USH2A: variants seen among roughly 807,000 people sequenced by gnomAD.
USH2A encodes Usher syndrome 2A (autosomal recessive, mild).
Under a neutral mutation model 538.9 loss-of-function variants are expected in USH2A, and 443 were observed. That is an observed-to-expected ratio of 0.82 (90% confidence interval 0.76 to 0.89). The LOEUF (loss-of-function observed/expected upper bound fraction) is 0.89. Ranked by LOEUF, USH2A falls within the 40% of genes least tolerant of loss-of-function variation. The probability of loss-of-function intolerance (pLI) is 0.00; values close to 1 mark genes in which losing one functional copy is unlikely to be tolerated. For synonymous variants in USH2A, 2,413 were observed against 2,273.5 expected, an observed-to-expected ratio of 1.06 and a Z score of -1.75; for missense variants, 6,633 against 6,324.8, an observed-to-expected ratio of 1.05 and a Z score of -1.65.
intron 58 of USH2A, 67 bp from the exon 59 acceptor site, chr1:215,743,402 G>GTATATA (rs773547162): frequency 0.012 from 5,467 of 445,450 alleles, 501 homozygotes; most frequent in African/African-American, 0.063. Flanking sequence ...GTGTGTGTGT[G>GTATATA]TGTGTGTGTG....
chr1:216,215,846 A>T (rs1293017236), intron 15 of USH2A, among the ~76,000 whole-genome samples: 1 of 152,134 alleles, frequency 6.6e-6, no homozygotes, highest in Non-Finnish European at 1.5e-5. Flanking sequence ...TGTCCAGTTA[A>T]TAAAACATAA....
At chr1:215,723,999 C>A (rs1320164957) in intron 61 of USH2A, among the ~76,000 whole-genome samples, 1 of 152,090 alleles carries the variant, frequency 6.6e-6, no homozygotes, top group African/African-American at 2.4e-5. Flanking sequence ...TGTATTACGG[C>A]ACTATTCACA....
chr1:215,696,602 G>T (rs1273362955), intron 61 of USH2A, among the ~76,000 whole-genome samples: 3 of 152,224 alleles, frequency 2.0e-5, no homozygotes, highest in Non-Finnish European at 2.9e-5. Flanking sequence ...TCTTCAGAAA[G>T]ACAGGATCTG....
chr1:215,743,402 G>GTATATATA lies in USH2A; in HGVS notation c.11390-68_11390-67insTATATATA, dbSNP rs773547162. Reference sequence around the variant, plus strand: ...TATATATATATGTGTGTGTGTGTGTGTGTGTGTGTGTGTGTATATATATAT... The same window carrying GTATATATA: ...TATATATATATGTGTGTGTGTGTGTGTATATATATGTGTGTGTGTGTGTATATATATAT... On this transcript the variant is annotated intron_variant, in intron 58 of 71. Coordinates refer to ENST00000307340, the MANE Select transcript of USH2A (RefSeq NM_206933.4). 49 of 446,050 alleles carry GTATATATA rather than the reference G, an allele frequency of 1.1e-4. 4 individuals are homozygous for GTATATATA. The highest frequency in any genetic ancestry group is 2.1e-4 in the Admixed American group (4 of 19,410). 27.6% of individuals were successfully genotyped at this position (446,050 alleles called of 1,614,324 possible).
intron 32 of USH2A, among the ~76,000 whole-genome samples, chr1:216,013,802 G>C (rs1477834522): frequency 1.3e-5 from 2 of 152,034 alleles, no homozygotes; most frequent in Admixed American, 6.6e-5. Flanking sequence ...CCTGCACCCA[G>C]GTGAAATAAA....
chr1:215,951,567 G>A (rs1666911870), intron 37 of USH2A, among the ~76,000 whole-genome samples: 1 of 152,102 alleles, frequency 6.6e-6, no homozygotes, highest in Admixed American at 6.5e-5. Context: ...ATGTCTATTA[G>A]GTCTGCTTGG....
intron 21 of USH2A, among the ~76,000 whole-genome samples, chr1:216,166,104 A>G (rs972678376): frequency 6.6e-6 from 1 of 152,128 alleles, no homozygotes; most frequent in African/African-American, 2.4e-5. Context: ...CTATAGTAGT[A>G]CATAAGAGAG....
At chr1:215,866,858 G>C (rs1664482539) in intron 44 of USH2A, 149 bp downstream of exon 44, 2 of 1,096,464 alleles carry the variant, frequency 1.8e-6, no homozygotes, top group Admixed American at 4.3e-5. Flanking sequence ...AGTTTTCAAT[G>C]ACAGCCCTGT....
Position 215,624,715 on chromosome 1 carries a change from G to A in USH2A, c.*1066C>T, listed in dbSNP as rs1250796522. On this transcript the variant is annotated 3_prime_UTR_variant, in exon 72 of 72. Transcript: ENST00000307340. ...TATCATCTGTTCTTACTGATTCTGT[G>A]GCTAAAATAATGGCTAGTTCTCCAA... is the stretch of plus-strand genomic sequence containing the variant. 1 of 151,990 alleles carries A rather than the reference G, an allele frequency of 6.6e-6. No homozygotes were observed. Among genetic ancestry groups the A allele is most frequent in the East Asian group, 1.9e-4 (1 of 5,174 alleles). The allele number at this position is 151,990 out of a possible 1,614,324, so 9.4% of individuals were successfully genotyped here.
chr1:216,334,207 A>G (rs2037925771), intron 4 of USH2A, among the ~76,000 whole-genome samples: 1 of 152,086 alleles, frequency 6.6e-6, no homozygotes, highest in African/African-American at 2.4e-5. Flanking sequence ...CACAAAAGAA[A>G]GCAGAGTGAA....
At chr1:215,745,308 A>G (rs1333814374) in intron 58 of USH2A, among the ~76,000 whole-genome samples, 1 of 152,198 alleles carries the variant, frequency 6.6e-6, no homozygotes, top group Admixed American at 6.5e-5. Context: ...GTCTACCTAT[A>G]TTTTAGAATG....
chr1:215,995,069 A>G (rs1351475676), intron 34 of USH2A, among the ~76,000 whole-genome samples: 1 of 151,936 alleles, frequency 6.6e-6, no homozygotes, highest in Non-Finnish European at 1.5e-5. Context: ...ACTTGTCACT[A>G]TTTTTTTCTT....
rs368261708 is a variant in USH2A at position 216,322,330 on chromosome 1, C to T, written c.1551-354G>A. ...AAGAATATAAAGTTCAGGCTGAGCA[C>T]GGTGGCTCACGCCTGTAATCTCAGC... On this transcript the variant is annotated intron_variant, in intron 8 of 71. Coordinates refer to ENST00000307340, the MANE Select transcript of USH2A (RefSeq NM_206933.4). Among the ~76,000 whole-genome samples, 109 of 152,172 alleles carry T rather than the reference C, an allele frequency of 7.2e-4. 1 individual carries two copies. Among genetic ancestry groups the T allele is most frequent in the African/African-American group, 2.4e-3 (98 of 41,536 alleles).
intron 11 of USH2A, among the ~76,000 whole-genome samples, chr1:216,277,611 G>A (rs2036695567): frequency 6.6e-6 from 1 of 152,098 alleles, no homozygotes; most frequent in Non-Finnish European, 1.5e-5. Flanking sequence ...AAGCAGAGAT[G>A]ACATGCTCCC....
At chr1:216,207,190 G>A in intron 16 of USH2A, 83 bp downstream of exon 16, 1 of 1,539,018 alleles carries the variant, frequency 6.5e-7, no homozygotes, top group Middle Eastern at 1.9e-4. Context: ...AACCACAACA[G>A]CATTTATCCT....
intron 3 of USH2A, among the ~76,000 whole-genome samples, chr1:216,377,136 GA>G (rs1257514083): frequency 1.3e-5 from 2 of 152,070 alleles, no homozygotes; most frequent in Non-Finnish European, 2.9e-5. Context: ...TAAACAAAAG[GA>G]AAAATCTGAA....
chr1:216,083,456 A>G lies in USH2A; in HGVS notation c.5298T>C (p.Ala1766=). 6.2e-7 allele frequency: 1 copy of G among 1,611,058 alleles called. No homozygotes were observed. ...ATTTTAATCAAATTAATTCACATAC[A>G]GCAAGAAAATCAGGTCCATCTTTGT... ...VYNKDGPDFL[A]MELKSGILTF... is the part of the protein sequence containing the mutation. The change falls in exon 26 of 72, where the codon GCT becomes GCC. Residue 1766 remains alanine, a splice_region_variant and synonymous_variant. Coordinates refer to ENST00000307340, the MANE Select transcript of USH2A (RefSeq NM_206933.4).
intron 3 of USH2A, among the ~76,000 whole-genome samples, chr1:216,384,099 T>G (rs551317851): frequency 6.6e-6 from 1 of 151,962 alleles, no homozygotes; most frequent in South Asian, 2.1e-4. Flanking sequence ...CTGTCCAGAG[T>G]GATTTTCCTT....
chr1:215,852,478 C>T (rs1664043616), intron 44 of USH2A, among the ~76,000 whole-genome samples: 1 of 152,130 alleles, frequency 6.6e-6, no homozygotes, highest in Non-Finnish European at 1.5e-5. Context: ...GCCCTGGTCC[C>T]TCCCAGATCT....
Sources: allele counts gnomAD v4.1 joint callset (sites outside exome capture counted in the v4.1 genomes callset), GRCh38; gene constraint gnomAD v4.1.1; transcripts MANE v1.5; gene names NCBI Gene and HGNC (gene_info 2026-07-23, HGNC 2026-07-21).